KLHL5: variants seen among roughly 807,000 people sequenced by gnomAD.
The protein encoded by KLHL5 is kelch-like protein 5.
A neutral mutation model predicts 77.7 loss-of-function variants in KLHL5; 48 were observed. The ratio of observed to expected loss-of-function variants is 0.62; its 90% confidence interval spans 0.49 to 0.79. The LOEUF (loss-of-function observed/expected upper bound fraction) is 0.79. Among genes scored for constraint, KLHL5 ranks in the 30% least tolerant of loss-of-function variants. The probability of loss-of-function intolerance (pLI) is 0.00; values close to 1 mark genes in which losing one functional copy is unlikely to be tolerated. For missense variants in KLHL5, 723 were observed against 859.7 expected, an observed-to-expected ratio of 0.84 and a Z score of 1.99; for synonymous variants, 260 against 297.0, an observed-to-expected ratio of 0.88 and a Z score of 1.28.
chr4:39,121,010 G>C lies in KLHL5; in HGVS notation c.2074G>C (p.Val692Leu). 6.2e-7 allele frequency: 1 copy of C among 1,611,936 alleles called. No individual in the cohort carries two copies. The highest frequency in any genetic ancestry group is 8.5e-7 in the Non-Finnish European group (1 of 1,178,290). The change falls in exon 11 of 11, where the codon GTT becomes CTT. Residue 692 changes from valine to leucine, a missense_variant and splice_region_variant. Physicochemically the swap from Val to Leu is conservative, Grantham distance 32. Transcript: ENST00000504108. ...YDPQTNEWTQ[V>L]APLCLGRAGA... Reference sequence around the variant, plus strand: ...ATACATATCTCTTTTTCCTTTTTAGGTTGCTCCACTGTGCCTAGGAAGAGC... The same window carrying C: ...ATACATATCTCTTTTTCCTTTTTAGCTTGCTCCACTGTGCCTAGGAAGAGC...
intron 6 of KLHL5, among the ~76,000 whole-genome samples, chr4:39,097,219 G>A (rs961397600): frequency 6.6e-6 from 1 of 152,170 alleles, no homozygotes; most frequent in African/African-American, 2.4e-5. Flanking sequence ...AGGGAGAAAG[G>A]AAAGCTCTTC....
In KLHL5 at chr4:39,096,837, T is replaced by C; in HGVS notation, c.1259T>C (p.Val420Ala). ...CGGACAAAACCTAGGAAGTCAACTG[T>C]TGGTACATTATTTGCAGTTGGGGGA... ...SPRTKPRKST[V>A]GTLFAVGGMD... Residue 420 changes from valine (V) to alanine (A), a missense_variant, in exon 6 of 11, where the codon GTT (valine) becomes GCT (alanine). Coordinates refer to ENST00000504108, the MANE Select transcript of KLHL5 (RefSeq NM_015990.5). 6.2e-7 allele frequency: 1 copy of C among 1,613,904 alleles called. No individual in the cohort carries two copies. Among genetic ancestry groups the C allele is most frequent in the Non-Finnish European group, 8.5e-7 (1 of 1,179,850 alleles).
In KLHL5 at chr4:39,067,031, G is replaced by T. The variant is rs938121776; in HGVS notation, c.383+3996G>T. Among the ~76,000 whole-genome samples the T allele has an allele frequency of 7.2e-5, 11 of 152,122 alleles. 1 individual carries two copies. Among genetic ancestry groups the T allele is most frequent in the Admixed American group, 6.5e-4 (10 of 15,282 alleles). On this transcript the variant is annotated intron_variant, in intron 1 of 10. Transcript: ENST00000504108. ...TATTTATATCTCACATTAATATGGT[G>T]CATGGGTTATAGTAATGAACCAGTG...
chr4:39,048,169 A>G (rs1716339197), intron 1 of KLHL5, among the ~76,000 whole-genome samples: 1 of 152,214 alleles, frequency 6.6e-6, no homozygotes, highest in Non-Finnish European at 1.5e-5. Flanking sequence ...AATTGCACCT[A>G]TCCAAATGTA....
chr4:39,118,875 AGAG>A (rs1723031800), intron 10 of KLHL5, among the ~76,000 whole-genome samples: 1 of 152,214 alleles, frequency 6.6e-6, no homozygotes, highest in African/African-American at 2.4e-5. Context: ...GTGAAGAGAA[AGAG>A]AAGAAAAGGA....
intron 1 of KLHL5, among the ~76,000 whole-genome samples, chr4:39,051,681 G>T (rs1319452091): frequency 6.7e-6 from 1 of 148,898 alleles, no homozygotes; most frequent in Middle Eastern, 3.4e-3. Flanking sequence ...ACTAGGTGGT[G>T]CAGGAGCTGC....
At chr4:39,131,355 G>A (rs1435805675), downstream of KLHL5, among the ~76,000 whole-genome samples, 1 of 152,150 alleles carries the variant, frequency 6.6e-6, no homozygotes, top group Non-Finnish European at 1.5e-5. Flanking sequence ...TTTTGTAAAA[G>A]AAATGGAATA....
At chr4:39,115,782 CT>C in intron 10 of KLHL5, 1 of 1,044,934 alleles carries the variant, frequency 9.6e-7, no homozygotes, top group Non-Finnish European at 1.1e-6. Context: ...GATGGCAACC[CT>C]AAATTACACT....
chr4:39,126,246 CAT>C (rs769628737), downstream of KLHL5, among the ~76,000 whole-genome samples: 2 of 152,072 alleles, frequency 1.3e-5, no homozygotes, highest in Admixed American at 6.5e-5. Flanking sequence ...AGATAATACT[CAT>C]GTAATATTTT....
chr4:39,057,243 A>T (rs953092304), upstream of KLHL5, among the ~76,000 whole-genome samples: 2 of 152,216 alleles, frequency 1.3e-5, no homozygotes, highest in Non-Finnish European at 2.9e-5. Flanking sequence ...TGCACTGTAC[A>T]GGTTGTTAGG....
intron 1 of KLHL5, among the ~76,000 whole-genome samples, chr4:39,055,198 A>G (rs2711952): frequency 0.76 from 114,922 of 152,124 alleles, 43,419 homozygotes; most frequent in East Asian, 0.82. Context: ...GGTCCTCAAG[A>G]ATATAAGGAG....
rs545851354 is a variant in KLHL5 at position 39,067,451 on chromosome 4, G to T, written c.383+4416G>T. On this transcript the variant is annotated intron_variant, in intron 1 of 10. Transcript: ENST00000504108. ...ATCACTTGGAAATGGTTGCATTTTTGAACTCAAATTAAGTTGTAGATTTCA... is the reference window on the plus strand; with the variant it reads ...ATCACTTGGAAATGGTTGCATTTTTTAACTCAAATTAAGTTGTAGATTTCA... Among the ~76,000 whole-genome samples the T allele has an allele frequency of 1.7e-4, 11 of 64,154 alleles. No individual in the cohort carries two copies. The South Asian group carries it at 5.2e-3, about 30-fold the overall frequency. 42.1% of individuals were successfully genotyped at this position (64,154 alleles called of 152,430 possible). A position where few individuals can be genotyped will look rare whatever the true frequency, so the allele number is the denominator to read the frequency against.
chr4:39,132,206 A>C, the KLHL5 span, among the ~76,000 whole-genome samples: 1 of 145,164 alleles, frequency 6.9e-6, no homozygotes, highest in Non-Finnish European at 1.5e-5. Context: ...TGGAATGTCC[A>C]GGAAGAGGTG....
rs755818509 is a variant in KLHL5, at chr4:39,087,759, C to T, written c.1113+1032C>T. Among the ~76,000 whole-genome samples, 70 of 152,172 alleles carry T rather than the reference C, an allele frequency of 4.6e-4. 1 individual carries two copies. The highest frequency in any genetic ancestry group is 9.8e-4 in the Admixed American group (15 of 15,288). ...TGAATGCTGAAAGAGGTCTTGAAAG[C>T]AGAAAAAGAATGAGCTGTTACTGTT... On this transcript the variant is annotated intron_variant, in intron 5 of 10. Coordinates refer to ENST00000504108, the MANE Select transcript of KLHL5 (RefSeq NM_015990.5).
upstream of KLHL5, among the ~76,000 whole-genome samples, chr4:39,060,948 G>T (rs1717363836): frequency 6.6e-6 from 1 of 152,016 alleles, no homozygotes. Context: ...AATTAATTTG[G>T]TATGGCTGGC....
At chr4:39,131,372 T>C (rs574811628), downstream of KLHL5, among the ~76,000 whole-genome samples, 4 of 152,298 alleles carry the variant, frequency 2.6e-5, no homozygotes, top group African/African-American at 9.6e-5. Context: ...AATATTTTAA[T>C]TAAAGTTACT....
At chr4:39,078,851 C>G (rs1419632944) in intron 2 of KLHL5, among the ~76,000 whole-genome samples, 3 of 151,954 alleles carry the variant, frequency 2.0e-5, no homozygotes, top group Non-Finnish European at 4.4e-5. Context: ...CACTAAAGAA[C>G]TTATTCATGT....
chr4:39,142,786 GAAAAAA>G, the KLHL5 span, among the ~76,000 whole-genome samples: 1 of 120,524 alleles, frequency 8.3e-6, no homozygotes, highest in South Asian at 2.8e-4. Context: ...TATGCTGAGT[GAAAAAA>G]AAAAAAAAGC....
the KLHL5 span, among the ~76,000 whole-genome samples, chr4:39,136,944 C>T: frequency 6.6e-6 from 1 of 152,048 alleles, no homozygotes; most frequent in Admixed American, 6.6e-5. Context: ...GCATCTGGGC[C>T]GGAGTGGGTG....
Sources: gnomAD v4.1 joint callset for allele counts (sites outside exome capture counted in the v4.1 genomes callset) on GRCh38, gnomAD v4.1.1 for gene constraint, MANE v1.5 for transcripts, NCBI Gene and HGNC (gene_info 2026-07-23, HGNC 2026-07-21) for gene names.